Variants in ACACA observed in about 807,000 individuals in gnomAD.
ACACA encodes acetyl-CoA carboxylase alpha.
A neutral mutation model predicts 296.1 loss-of-function variants in ACACA; 103 were observed. The observed-to-expected ratio is 0.35, with a 90% CI of 0.30 to 0.41. The LOEUF (loss-of-function observed/expected upper bound fraction) is 0.41. Ranked by LOEUF, ACACA falls within the 10% of genes least tolerant of loss-of-function variation. The pLI is 1.00. For synonymous variants in ACACA, 953 were observed against 1,038.6 expected (o/e 0.92, Z 1.58); for missense variants, 1,554 against 2,989.7 (o/e 0.52, Z 11.20).
At chr17:37,232,857 C>A (rs894456389) in intron 25 of ACACA, among the ~76,000 whole-genome samples, 2 of 151,784 alleles carry the variant, frequency 1.3e-5, no homozygotes, top group African/African-American at 2.4e-5. Context: ...CATGTTCAAC[C>A]GTCCTTATCC....
chr17:37,206,469 G>GGC (rs879349216), intron 32 of ACACA, among the ~76,000 whole-genome samples: 17 of 152,110 alleles, frequency 1.1e-4, no homozygotes, highest in Admixed American at 1.1e-3. Context: ...TATAAGCCAT[G>GGC]GCTGAGTAAG....
intron 39 of ACACA, among the ~76,000 whole-genome samples, chr17:37,185,059 C>T (rs916208194): frequency 3.3e-5 from 5 of 151,994 alleles, no homozygotes; most frequent in African/African-American, 1.2e-4. Context: ...TGCCTAAGGC[C>T]GGGGTTGGTG....
At chr17:37,389,135 T>C in intron 1 of ACACA, 6 of 1,356,448 alleles carry the variant, frequency 4.4e-6, no homozygotes, top group Non-Finnish European at 6.0e-6. Flanking sequence ...TAGGACTGAA[T>C]ATTTTATTTA....
At chr17:37,362,997 C>G (rs970745241) in intron 1 of ACACA, among the ~76,000 whole-genome samples, 16 of 147,866 alleles carry the variant, frequency 1.1e-4, no homozygotes, top group Non-Finnish European at 1.8e-4. Context: ...AAAACAAAAC[C>G]ACCAGGGTGC....
At chr17:37,093,852 A>C (rs1174112355) in intron 54 of ACACA, among the ~76,000 whole-genome samples, 1 of 152,122 alleles carries the variant, frequency 6.6e-6, no homozygotes, top group Non-Finnish European at 1.5e-5. Context: ...CATGACATAA[A>C]CACCACCCCC....
chr17:37,321,117 C>T (rs574348815), intron 3 of ACACA, among the ~76,000 whole-genome samples: 3 of 152,024 alleles, frequency 2.0e-5, no homozygotes, highest in Admixed American at 2.0e-4. Context: ...TCTAATTAGC[C>T]ACTGAGAAAA....
chr17:37,268,737 CTATCTATA>C (rs1435444714), intron 10 of ACACA, among the ~76,000 whole-genome samples: 81 of 70,928 alleles, frequency 1.1e-3, no homozygotes, highest in African/African-American at 4.2e-3. Flanking sequence ...ATCTATCTAT[CTATCTATA>C]TATATATATA....
intron 1 of ACACA, among the ~76,000 whole-genome samples, chr17:37,383,658 G>A (rs891400263): frequency 3.3e-5 from 5 of 152,080 alleles, no homozygotes; most frequent in Admixed American, 2.6e-4. Flanking sequence ...AGCAATTCTC[G>A]TGCTTCAGCC....
intron 47 of ACACA, among the ~76,000 whole-genome samples, chr17:37,128,892 G>A (rs938580740): frequency 4.6e-5 from 7 of 152,192 alleles, no homozygotes; most frequent in Non-Finnish European, 8.8e-5. Context: ...CACATGCAGC[G>A]TGGGTGCTCA....
chr17:37,323,458 G>A lies in ACACA; in HGVS notation c.338+6715C>T, dbSNP rs185987149. On this transcript the variant is annotated intron_variant, in intron 3 of 55. Transcript: ENST00000616317. The stretch of plus-strand genomic sequence containing the variant: ...AAAATTTTAAAAATTAGCTCAGCAC[G>A]GTGGTGCACACCTATAATCTCCACT... Among the ~76,000 whole-genome samples the A allele has an allele frequency of 6.0e-4, 91 of 152,296 alleles. 1 individual carries two copies. Among genetic ancestry groups the A allele is most frequent in the South Asian group, 1.5e-3 (7 of 4,824 alleles).
chr17:37,121,249 T>C lies in ACACA; in HGVS notation c.6274+106A>G, dbSNP rs1047014650. The C allele has an allele frequency of 1.6e-5, 24 of 1,505,350 alleles. No individual in the cohort carries two copies. The East Asian group carries it at 4.5e-4, about 28-fold the overall frequency. The allele number at this position is 1,505,350 out of a possible 1,614,324, so 93.2% of individuals were successfully genotyped here. ...GAGAGGGCAGAATCCCCAAAAAGCC[T>C]AGGCTATTAGGACACCCACAGATTC... is the stretch of plus-strand genomic sequence containing the variant. On this transcript the variant is annotated intron_variant, in intron 50 of 55. Transcript: ENST00000616317.
At chr17:37,088,853 G>T (rs540726382) in intron 55 of ACACA, 85 bp downstream of exon 55, 2 of 1,510,980 alleles carry the variant, frequency 1.3e-6, no homozygotes, top group African/African-American at 1.4e-5. Flanking sequence ...AGATTTCTGC[G>T]ATCATCTCAT....
chr17:37,147,140 G>A (rs774985056), intron 45 of ACACA, among the ~76,000 whole-genome samples: 13 of 151,930 alleles, frequency 8.6e-5, no homozygotes, highest in Non-Finnish European at 1.3e-4. Flanking sequence ...AAAATGTGGG[G>A]GTCAAATATT....
chr17:37,187,524 A>G (rs2077582917), intron 39 of ACACA, among the ~76,000 whole-genome samples: 1 of 152,238 alleles, frequency 6.6e-6, no homozygotes, highest in South Asian at 2.1e-4. Flanking sequence ...ACCTAATTTC[A>G]GTATCATAGT....
chr17:37,191,098 G>A, intron 38 of ACACA, 22 bp downstream of exon 38: 1 of 1,613,506 alleles, frequency 6.2e-7, no homozygotes, highest in Non-Finnish European at 8.5e-7. Flanking sequence ...AGTGCTGGGA[G>A]AGAAGCTAAG....
intron 3 of ACACA, among the ~76,000 whole-genome samples, chr17:37,314,684 G>A (rs1046121913): frequency 8.7e-5 from 12 of 138,520 alleles, no homozygotes; most frequent in Non-Finnish European, 1.8e-4. Flanking sequence ...CTGTCAACCA[G>A]GCTGGAAGTA....
In ACACA at chr17:37,309,629, T is replaced by C. The variant is rs928182916; in HGVS notation, c.338+20544A>G. On this transcript the variant is annotated intron_variant, in intron 3 of 55. Coordinates refer to ENST00000616317, the MANE Select transcript of ACACA (RefSeq NM_198834.3). ...GGCATAAGGACCAGTGCATGTGGCC[T>C]TGAGATAGGAAAAATATTGGACTAC... Among the ~76,000 whole-genome samples the C allele has an allele frequency of 3.9e-5, 6 of 152,094 alleles. No homozygotes were observed. In the South Asian group the frequency reaches 8.3e-4, roughly 21 times the overall value.
intron 41 of ACACA, among the ~76,000 whole-genome samples, chr17:37,170,206 C>T (rs1375239665): frequency 6.6e-6 from 1 of 151,752 alleles, no homozygotes; most frequent in Non-Finnish European, 1.5e-5. Context: ...AGTGAATAAG[C>T]TAAGGATAAG....
intron 16 of ACACA, among the ~76,000 whole-genome samples, chr17:37,249,061 C>T (rs1253252216): frequency 6.6e-6 from 1 of 152,196 alleles, no homozygotes; most frequent in Non-Finnish European, 1.5e-5. Flanking sequence ...CTTTCTAGTT[C>T]TATGAGTCTG....
Sources: gnomAD v4.1 joint callset for allele counts (sites outside exome capture counted in the v4.1 genomes callset) on GRCh38, gnomAD v4.1.1 for gene constraint, MANE v1.5 for transcripts, NCBI Gene and HGNC (gene_info 2026-07-23, HGNC 2026-07-21) for gene names.